RAB38: variants seen among roughly 807,000 people sequenced by gnomAD.
RAB38 encodes ras-related protein Rab-38.
In RAB38, 15 loss-of-function variants were observed where a neutral mutation model predicts 18.4. That is an observed-to-expected ratio of 0.82 (90% confidence interval 0.55 to 1.26). The LOEUF (loss-of-function observed/expected upper bound fraction) is 1.26, where lower values mean the gene tolerates loss of function less well. RAB38 is among the 50% of genes most tolerant of loss of function. The pLI is 0.00. For missense variants in RAB38, 294 were observed against 267.4 expected (o/e 1.10, Z -0.69); for synonymous variants, 101 against 104.4 (o/e 0.97, Z 0.20).
the RAB38 span, among the ~76,000 whole-genome samples, chr11:88,026,677 C>G: frequency 5.9e-5 from 9 of 151,930 alleles, no homozygotes; most frequent in Admixed American, 5.9e-4. Flanking sequence ...TGCACCCGGC[C>G]GTTTTCTTCT....
At chr11:88,118,864 T>C (rs1942593022) in intron 2 of RAB38, among the ~76,000 whole-genome samples, 1 of 152,198 alleles carries the variant, frequency 6.6e-6, no homozygotes, top group Non-Finnish European at 1.5e-5. Context: ...GTGCTTTGTT[T>C]ATTAAATAAT....
chr11:87,942,774 A>G, the RAB38 span, among the ~76,000 whole-genome samples: 10 of 152,104 alleles, frequency 6.6e-5, no homozygotes, highest in African/African-American at 2.4e-4. Context: ...CACACCCACA[A>G]TTCTCACTTA....
the RAB38 span, among the ~76,000 whole-genome samples, chr11:88,014,931 G>T: frequency 6.6e-6 from 1 of 152,098 alleles, no homozygotes; most frequent in Admixed American, 6.6e-5. Context: ...GCAACCTCTG[G>T]AAAGTTGTGG....
At chr11:87,808,215 C>G in the RAB38 span, among the ~76,000 whole-genome samples, 1 of 152,058 alleles carries the variant, frequency 6.6e-6, no homozygotes, top group Non-Finnish European at 1.5e-5. Flanking sequence ...GGTATATATC[C>G]AAAGGAAATG....
At chr11:87,849,762 A>G in the RAB38 span, among the ~76,000 whole-genome samples, 16 of 152,300 alleles carry the variant, frequency 1.1e-4, 1 homozygote, top group South Asian at 3.3e-3. Flanking sequence ...GAGTCAAGTA[A>G]TAGGTAAGTG....
chr11:87,975,751 G>C, the RAB38 span, among the ~76,000 whole-genome samples: 2 of 151,560 alleles, frequency 1.3e-5, no homozygotes, highest in African/African-American at 4.8e-5. Context: ...ATAATTCTTA[G>C]AGCAGCCACT....
chr11:87,953,373 A>G, the RAB38 span, among the ~76,000 whole-genome samples: 1 of 151,752 alleles, frequency 6.6e-6, no homozygotes, highest in Non-Finnish European at 1.5e-5. Context: ...TAGTCATAAA[A>G]CAAGTGCCTG....
chr11:87,889,119 T>A, the RAB38 span, among the ~76,000 whole-genome samples: 2 of 151,942 alleles, frequency 1.3e-5, no homozygotes, highest in Non-Finnish European at 2.9e-5. Context: ...TATGACCTTA[T>A]GTTTTTCTCC....
the RAB38 span, among the ~76,000 whole-genome samples, chr11:88,059,711 T>C: frequency 2.6e-5 from 4 of 152,200 alleles, no homozygotes; most frequent in Non-Finnish European, 5.9e-5. Flanking sequence ...GATCCCTCCT[T>C]GCATGGCCTC....
chr11:88,130,382 G>A (rs1002684985), intron 2 of RAB38, among the ~76,000 whole-genome samples: 2 of 152,148 alleles, frequency 1.3e-5, no homozygotes, highest in South Asian at 2.1e-4. Flanking sequence ...CTAAAATGAA[G>A]TCTAAGGACA....
chr11:88,103,132 G>A, the RAB38 span, among the ~76,000 whole-genome samples: 3 of 152,078 alleles, frequency 2.0e-5, no homozygotes, highest in South Asian at 6.2e-4. Context: ...GTATGTAGTG[G>A]CTCTGTTGTT....
At chr11:87,966,784 G>A in the RAB38 span, among the ~76,000 whole-genome samples, 8 of 152,166 alleles carry the variant, frequency 5.3e-5, no homozygotes, top group South Asian at 8.3e-4. Context: ...AATTTTATCT[G>A]AGATAGTTTC....
chr11:87,821,014 A>AGGGTTTG, the RAB38 span, among the ~76,000 whole-genome samples: 1 of 152,222 alleles, frequency 6.6e-6, no homozygotes, highest in Admixed American at 6.5e-5. Context: ...AGACAATCCA[A>AGGGTTTG]CATACATATC....
the RAB38 span, among the ~76,000 whole-genome samples, chr11:88,042,198 G>A: frequency 6.6e-6 from 1 of 152,096 alleles, no homozygotes; most frequent in Admixed American, 6.5e-5. Context: ...GGAAAAGGTA[G>A]AAGTCTGTTT....
At chr11:87,947,700 G>C in the RAB38 span, among the ~76,000 whole-genome samples, 1 of 152,174 alleles carries the variant, frequency 6.6e-6, no homozygotes, top group Non-Finnish European at 1.5e-5. Flanking sequence ...GATGGTTGTA[G>C]ATGTGTGGTA....
chr11:88,106,410 C>A, the RAB38 span, among the ~76,000 whole-genome samples: 1 of 152,170 alleles, frequency 6.6e-6, no homozygotes, highest in African/African-American at 2.4e-5. Flanking sequence ...TATTTTATTA[C>A]AAGTAATAGC....
At chr11:88,157,041 C>G (rs117608332) in intron 1 of RAB38, among the ~76,000 whole-genome samples, 1 of 152,148 alleles carries the variant, frequency 6.6e-6, no homozygotes, top group Non-Finnish European at 1.5e-5. Context: ...TTAAAAGGCA[C>G]AGAATGGCAA....
chr11:87,904,425 T>C, the RAB38 span, among the ~76,000 whole-genome samples: 1 of 151,854 alleles, frequency 6.6e-6, no homozygotes, highest in South Asian at 2.1e-4. Flanking sequence ...ATGATTTTGT[T>C]ATTTTTTAAT....
At chr11:87,901,073 G>A in the RAB38 span, among the ~76,000 whole-genome samples, 1 of 151,460 alleles carries the variant, frequency 6.6e-6, no homozygotes, top group Non-Finnish European at 1.5e-5. Flanking sequence ...ACATTTTTGG[G>A]AGGGACCCAG....
Sources: allele counts gnomAD v4.1 joint callset (sites outside exome capture counted in the v4.1 genomes callset), GRCh38; gene constraint gnomAD v4.1.1; transcripts MANE v1.5; gene names NCBI Gene and HGNC (gene_info 2026-07-23, HGNC 2026-07-21).